WDR1: variants seen among roughly 807,000 people sequenced by gnomAD.
The protein encoded by WDR1 is WD repeat-containing protein 1.
A neutral mutation model predicts 71.9 loss-of-function variants in WDR1; 21 were observed. That is an observed-to-expected ratio of 0.29 (90% CI 0.21 to 0.42). The LOEUF is 0.42. WDR1 is among the 10% of genes least tolerant of loss of function. The probability of loss-of-function intolerance (pLI) is 1.00; values close to 1 mark genes in which losing one functional copy is unlikely to be tolerated. For synonymous variants in WDR1, 424 were observed against 347.4 expected (o/e 1.22, Z -2.45); for missense variants, 696 against 824.5 (o/e 0.84, Z 1.91).
intron 14 of WDR1, 103 bp from the exon 15 acceptor site, chr4:10,075,587 G>T: frequency 9.0e-7 from 1 of 1,105,138 alleles, no homozygotes; most frequent in Non-Finnish European, 1.3e-6. Flanking sequence ...TCATCTCCAG[G>T]GCCAAGAAAA....
intron 3 of WDR1, 32 bp from the exon 4 acceptor site, chr4:10,099,171 AGG>A: frequency 1.8e-5 from 2 of 109,752 alleles, no homozygotes; most frequent in South Asian, 6.1e-5. Flanking sequence ...GGAGGGGGGG[AGG>A]CGGTGGTGGG....
At position 10,081,411 on chromosome 4, in the gene WDR1, T is replaced by C. The variant is rs747946786; in HGVS notation, c.1230A>G (p.Pro410=). The change falls in exon 11 of 15, where the codon CCA becomes CCG. Residue 410 remains proline, a synonymous_variant. Coordinates refer to ENST00000499869, the MANE Select transcript of WDR1 (RefSeq NM_017491.5). ...CCCCGGGGCCGACGGCTACGCACTT[T>C]GGCTGAACGTCCAGTTTCACAACTC... ...GQGVVKLDVQ[P]KCVAVGPGGY... The C allele has an allele frequency of 2.5e-6, 4 of 1,613,930 alleles. No individual in the cohort carries two copies. The highest frequency in any genetic ancestry group is 1.1e-5 in the South Asian group (1 of 91,068).
intron 5 of WDR1, among the ~76,000 whole-genome samples, chr4:10,096,865 A>G (rs982510932): frequency 1.3e-5 from 2 of 152,114 alleles, no homozygotes; most frequent in Non-Finnish European, 2.9e-5. Context: ...AGTCCCTAAA[A>G]TGTGCATTTC....
At chr4:10,110,885 G>A (rs890145284) in intron 2 of WDR1, among the ~76,000 whole-genome samples, 8 of 152,172 alleles carry the variant, frequency 5.3e-5, no homozygotes, top group African/African-American at 1.9e-4. Context: ...TATCCCTCAG[G>A]GGAATGAGGT....
chr4:10,088,809 T>G, intron 5 of WDR1, 68 bp from the exon 6 acceptor site: 12 of 1,201,712 alleles, frequency 1.0e-5, no homozygotes, highest in African/African-American at 1.5e-5. Context: ...GAATGCTCTC[T>G]ATGAAACACA....
chr4:10,105,050 A>ACT (rs1414593533), intron 2 of WDR1, among the ~76,000 whole-genome samples: 1 of 151,980 alleles, frequency 6.6e-6, no homozygotes, highest in Non-Finnish European at 1.5e-5. Context: ...TTTAAGCTCC[A>ACT]CGTCTGTGTG....
chr4:10,097,388 C>T (rs978343709), intron 5 of WDR1, among the ~76,000 whole-genome samples: 1 of 152,262 alleles, frequency 6.6e-6, no homozygotes, highest in South Asian at 2.1e-4. Context: ...AGGCTCCCCT[C>T]TCTAATGAGC....
chr4:10,104,741 C>G (rs1712917439), intron 2 of WDR1, among the ~76,000 whole-genome samples: 1 of 152,194 alleles, frequency 6.6e-6, no homozygotes, highest in Non-Finnish European at 1.5e-5. Context: ...CAATCTGTCT[C>G]CACAGTGAAG....
At chr4:10,081,478 A>G in intron 10 of WDR1, 34 bp from the exon 11 acceptor site, 1 of 1,600,260 alleles carries the variant, frequency 6.2e-7, no homozygotes, top group Non-Finnish European at 8.6e-7. Flanking sequence ...TTACTTCGAC[A>G]ATGCAGCAGC....
intron 3 of WDR1, among the ~76,000 whole-genome samples, chr4:10,100,033 A>G (rs566471253): frequency 6.6e-6 from 1 of 152,222 alleles, no homozygotes. Flanking sequence ...GCGTGAAGAA[A>G]TGGGAGCATT....
intron 5 of WDR1, among the ~76,000 whole-genome samples, chr4:10,094,402 C>T (rs1022252908): frequency 2.6e-5 from 4 of 152,180 alleles, no homozygotes; most frequent in Non-Finnish European, 5.9e-5. Flanking sequence ...ATGGCGAAGG[C>T]AGACAACAGA....
chr4:10,081,051 C>T (rs1379128312), intron 11 of WDR1, among the ~76,000 whole-genome samples: 1 of 152,214 alleles, frequency 6.6e-6, no homozygotes, highest in Non-Finnish European at 1.5e-5. Flanking sequence ...CAGGGTATCT[C>T]ATAGACTTTA....
In WDR1 at chr4:10,077,731, G is replaced by A. The variant is rs1397984005; in HGVS notation, c.1569+22C>T. ...CTGCACCGCCCAGCACGGGGACAGA[G>A]GAGGAGCCCGCCGCCACTCACCGAG... On this transcript the variant is annotated intron_variant, in intron 13 of 14. Coordinates refer to ENST00000499869, the MANE Select transcript of WDR1 (RefSeq NM_017491.5). 5 of 1,550,932 alleles carry A rather than the reference G, an allele frequency of 3.2e-6. No individual in the cohort carries two copies. In the East Asian group the frequency reaches 7.1e-5, roughly 22 times the overall value.
intron 2 of WDR1, among the ~76,000 whole-genome samples, chr4:10,112,313 G>C (rs1713432013): frequency 6.6e-6 from 1 of 152,098 alleles, no homozygotes; most frequent in Non-Finnish European, 1.5e-5. Context: ...GCCTTCCTTA[G>C]ACCCCCGAAG....
At chr4:10,084,948 G>C (rs1765155082) in intron 8 of WDR1, among the ~76,000 whole-genome samples, 1 of 152,246 alleles carries the variant, frequency 6.6e-6, no homozygotes, top group Non-Finnish European at 1.5e-5. Flanking sequence ...TTCGCTTCAG[G>C]CCCTGGTTTG....
Position 10,075,476 on chromosome 4 carries a change from G to A in WDR1, c.1723C>T (p.Arg575Trp), listed in dbSNP as rs1802033. Reference sequence around the variant, plus strand: ...GCCAGGCTGCTGACATGGTGCAGCCGGTGTGCATCTGGGAAGAAAGGGTGC... The same window carrying A: ...GCCAGGCTGCTGACATGGTGCAGCCAGTGTGCATCTGGGAAGAAAGGGTGC... ...ETRVKIQDAH[R>W]LHHVSSLAWL... is the part of the protein sequence containing the mutation. Residue 575 changes from arginine to tryptophan, a missense_variant, in exon 15 of 15, where the codon CGG (arginine) becomes TGG (tryptophan). Coordinates refer to ENST00000499869, the MANE Select transcript of WDR1 (RefSeq NM_017491.5). 3 of 1,613,876 alleles carry A rather than the reference G, an allele frequency of 1.9e-6. No homozygotes were observed. Among genetic ancestry groups the A allele is most frequent in the South Asian group, 1.1e-5 (1 of 91,070 alleles).
chr4:10,077,808 G>A lies in WDR1; in HGVS notation c.1514C>T (p.Ala505Val), dbSNP rs1764858448. The A allele has an allele frequency of 6.2e-7, 1 of 1,605,680 alleles. No individual in the cohort carries two copies. The highest frequency in any genetic ancestry group is 8.5e-7 in the Non-Finnish European group (1 of 1,176,332). Residue 505 changes from alanine (A) to valine (V), a missense_variant, in exon 13 of 15, where the codon GCG becomes GTG. Ala to Val is a moderately conservative substitution (Grantham distance 64). Transcript: ENST00000499869. ...VAYSHDGAFL[A>V]VCDASKVVTV... ...GACCACCTTGCTGGCGTCGCACACCGCGAGGAAGGCGCCGTCGTGGGAGTA... is the reference window on the plus strand; with the variant it reads ...GACCACCTTGCTGGCGTCGCACACCACGAGGAAGGCGCCGTCGTGGGAGTA...
chr4:10,078,640 T>A (rs1764888664), intron 12 of WDR1: 2 of 427,484 alleles, frequency 4.7e-6, no homozygotes, highest in Non-Finnish European at 8.4e-6. Flanking sequence ...TACCTCACTG[T>A]CCACAGTCTT....
intron 8 of WDR1, among the ~76,000 whole-genome samples, chr4:10,087,015 C>T (rs978413988): frequency 1.9e-4 from 20 of 106,994 alleles, no homozygotes; most frequent in African/African-American, 5.4e-4. Flanking sequence ...GAAGGCAGGA[C>T]CCCCCCAGCC....
Sources: allele counts gnomAD v4.1 joint callset (sites outside exome capture counted in the v4.1 genomes callset), GRCh38; gene constraint gnomAD v4.1.1; transcripts MANE v1.5; gene names NCBI Gene and HGNC (gene_info 2026-07-23, HGNC 2026-07-21).